Variants in FAM20A observed in about 807,000 individuals in gnomAD.
FAM20A encodes pseudokinase FAM20A.
In FAM20A, 42 loss-of-function variants were observed where a neutral mutation model predicts 52.0. That is an observed-to-expected ratio of 0.81 (90% CI 0.63 to 1.04). The LOEUF is 1.04. Among genes scored for constraint, FAM20A ranks in the 50% least tolerant of loss-of-function variants. FAM20A has a pLI of 0.00. For synonymous variants in FAM20A, 304 were observed against 298.9 expected (o/e 1.02, Z -0.18); for missense variants, 742 against 712.7 (o/e 1.04, Z -0.47).
chr17:68,555,000 T>C (rs1600579313), intron 2 of FAM20A, among the ~76,000 whole-genome samples, 173 bp from the exon 3 acceptor site: 1 of 152,180 alleles, frequency 6.6e-6, no homozygotes, highest in East Asian at 1.9e-4. Context: ...TGTAGCCTCC[T>C]TCCCTGCTGT....
rs1469508754 is a variant in FAM20A at position 68,535,918 on chromosome 17, G to GT, written c.*1558dup. On this transcript the variant is annotated 3_prime_UTR_variant, in exon 11 of 11. Transcript: ENST00000592554. ...GAATAGGTCTAAACCACTAAATTGT[G>GT]TGATTTTGCTTACTCTCTCTGAGAT... The GT allele has an allele frequency of 2.2e-6, 1 of 454,088 alleles. No homozygotes were observed. The highest frequency in any genetic ancestry group is 2.3e-5 in the Admixed American group (1 of 42,574). 28.1% of individuals were successfully genotyped at this position (454,088 alleles called of 1,614,324 possible).
chr17:68,574,893 C>A (rs2143818187), intron 1 of FAM20A, among the ~76,000 whole-genome samples: 1 of 152,208 alleles, frequency 6.6e-6, no homozygotes, highest in Non-Finnish European at 1.5e-5. Flanking sequence ...AGAGATGATC[C>A]TGGGTTATTT....
intron 6 of FAM20A, among the ~76,000 whole-genome samples, chr17:68,542,432 A>AATC (rs2086344035): frequency 6.6e-6 from 1 of 152,180 alleles, no homozygotes; most frequent in African/African-American, 2.4e-5. Flanking sequence ...CTGGGTGGAT[A>AATC]ACCTCTGGTT....
intron 4 of FAM20A, among the ~76,000 whole-genome samples, chr17:68,545,941 A>G (rs542487238): frequency 4.6e-5 from 7 of 152,042 alleles, no homozygotes; most frequent in South Asian, 2.1e-4. Context: ...AGGCTGAGGC[A>G]GGTGGATCAC....
At chr17:68,579,007 CTG>C (rs754228906) in intron 1 of FAM20A, among the ~76,000 whole-genome samples, 26 of 140,392 alleles carry the variant, frequency 1.9e-4, no homozygotes, top group Non-Finnish European at 3.5e-4. Context: ...GAGCGAGACT[CTG>C]TTTCAAAAAA....
At position 68,540,955 on chromosome 17, in the gene FAM20A, C is replaced by T. The variant is rs1402339576; in HGVS notation, c.1113G>A (p.Trp371Ter). Residue 371 changes from tryptophan to a stop codon, truncating the protein, a stop_gained, in exon 8 of 11, where the codon TGG (tryptophan) becomes TGA (stop). Transcript: ENST00000592554. LOFTEE classifies it high-confidence loss of function. ...TGTCACAGTAAAGGGGATTGACCTC[C>T]CACCTGAGGGGGAGAAGAAGTCCTG... ...RSYTLAGKEE[W>*]EVNPLYCDTV... is the part of the protein sequence containing the mutation. The T allele has an allele frequency of 6.3e-7, 1 of 1,585,290 alleles. No individual in the cohort carries two copies. Among genetic ancestry groups the T allele is most frequent in the Non-Finnish European group, 8.6e-7 (1 of 1,164,226 alleles).
intron 4 of FAM20A, among the ~76,000 whole-genome samples, chr17:68,549,094 T>C (rs2086713107): frequency 6.6e-6 from 1 of 152,224 alleles, no homozygotes; most frequent in Non-Finnish European, 1.5e-5. Flanking sequence ...TGTTAATTTA[T>C]TTTCCTGCAA....
chr17:68,544,744 A>G (rs1272024657), intron 4 of FAM20A, among the ~76,000 whole-genome samples: 1 of 152,212 alleles, frequency 6.6e-6, no homozygotes, highest in Non-Finnish European at 1.5e-5. Context: ...TGGCCAGCTT[A>G]TCATCATCAC....
At chr17:68,594,073 G>A (rs1274793832) in intron 1 of FAM20A, among the ~76,000 whole-genome samples, 1 of 152,122 alleles carries the variant, frequency 6.6e-6, no homozygotes, top group Non-Finnish European at 1.5e-5. Context: ...CTTTGGGCAG[G>A]TTATATAACT....
Position 68,572,001 on chromosome 17 carries a change from TATATATATATATATATATATATA to T in FAM20A, c.405-16281_405-16259del, listed in dbSNP as rs2087564020. On this transcript the variant is annotated intron_variant, in intron 1 of 10. Coordinates refer to ENST00000592554, the MANE Select transcript of FAM20A (RefSeq NM_017565.4). ...GTATATACATACATATATATATATATATATATATATATATATATATATATATATATATATATATATGTAGCAGG... is the reference window on the plus strand; with the variant it reads ...GTATATACATACATATATATATATATTATATATATATATATATGTAGCAGG... Among the ~76,000 whole-genome samples the T allele has an allele frequency of 1.3e-3, 111 of 88,620 alleles. 4 individuals carry two copies. Among genetic ancestry groups the T allele is most frequent in the Non-Finnish European group, 1.7e-4 (8 of 48,082 alleles). The allele number at this position is 88,620 out of a possible 152,430, so 58.1% of individuals were successfully genotyped here.
At position 68,537,549 on chromosome 17, in the gene FAM20A, CT is replaced by C; in HGVS notation, c.1553del (p.Gln518ArgfsTer5). The C allele has an allele frequency of 6.2e-7, 1 of 1,613,650 alleles. No homozygotes were observed. The highest frequency in any genetic ancestry group is 8.5e-7 in the Non-Finnish European group (1 of 1,179,734). On this transcript the variant is annotated frameshift_variant, in exon 11 of 11. Coordinates refer to ENST00000592554, the MANE Select transcript of FAM20A (RefSeq NM_017565.4). LOFTEE classifies it low-confidence loss of function (END_TRUNC). This position sits in a 1 kb window ranked among gnomAD's most constrained non-coding sequence, Gnocchi z 4.2. ...TVEGCIVAHGQQSVIVDGPVE... is the reference protein window; with the variant it reads ...TVEGCIVAHGXQSVIVDGPVE... ...CTGGGCCGTCGACTATGACACTCTG[CT>C]GTCCATGGGCCACTATGCACCCCTC...
intron 1 of FAM20A, among the ~76,000 whole-genome samples, chr17:68,581,414 CTTT>C (rs771494648): frequency 5.4e-4 from 60 of 111,170 alleles, no homozygotes; most frequent in Admixed American, 1.9e-3. Flanking sequence ...TTCTTTCTTT[CTTT>C]TTCTCTTTTC....
At chr17:68,565,615 A>G (rs1371868136) in intron 1 of FAM20A, among the ~76,000 whole-genome samples, 1 of 151,882 alleles carries the variant, frequency 6.6e-6, no homozygotes, top group Non-Finnish European at 1.5e-5. Flanking sequence ...GCTGGTTTTG[A>G]ACTCCTGACC....
intron 1 of FAM20A, among the ~76,000 whole-genome samples, chr17:68,579,137 G>A (rs544384337): frequency 1.3e-4 from 20 of 152,122 alleles, no homozygotes; most frequent in Non-Finnish European, 2.8e-4. Context: ...AGACTCCAAG[G>A]TTAGGAAAGG....
In FAM20A at chr17:68,536,097, G is replaced by A. The variant is rs2086089284; in HGVS notation, c.*1380C>T. 2 of 454,092 alleles carry A rather than the reference G, an allele frequency of 4.4e-6. No individual in the cohort carries two copies. The highest frequency in any genetic ancestry group is 8.8e-6 in the Non-Finnish European group (2 of 226,792). 28.1% of individuals were successfully genotyped at this position (454,092 alleles called of 1,614,324 possible). A position where few individuals can be genotyped will look rare whatever the true frequency, so the allele number is the denominator to read the frequency against. On this transcript the variant is annotated 3_prime_UTR_variant, in exon 11 of 11. Coordinates refer to ENST00000592554, the MANE Select transcript of FAM20A (RefSeq NM_017565.4). ...TTTTAGAGAGACACAAAGTCCAGGG[G>A]CAGCATACCAGTCATGTGGGGGTAC...
chr17:68,563,960 C>A (rs2087298650), intron 1 of FAM20A, among the ~76,000 whole-genome samples: 1 of 152,158 alleles, frequency 6.6e-6, no homozygotes, highest in Admixed American at 6.5e-5. Flanking sequence ...TAGTTCGACC[C>A]CTGCTGTAAT....
intron 1 of FAM20A, among the ~76,000 whole-genome samples, chr17:68,594,931 A>T (rs1271863672): frequency 6.6e-6 from 1 of 152,248 alleles, no homozygotes; most frequent in Admixed American, 6.5e-5. Context: ...TTACATCTGT[A>T]AAATCCCTTT....
intron 6 of FAM20A, 68 bp downstream of exon 6, chr17:68,542,626 A>G (rs2086354480): frequency 8.3e-7 from 1 of 1,203,980 alleles, no homozygotes; most frequent in Non-Finnish European, 1.2e-6. Context: ...CCACTGATGA[A>G]TGGAGGGGTG....
At chr17:68,555,092 C>T (rs2087015759) in intron 2 of FAM20A, among the ~76,000 whole-genome samples, 1 of 152,208 alleles carries the variant, frequency 6.6e-6, no homozygotes, top group Admixed American at 6.5e-5. Flanking sequence ...TTTGTCTCTG[C>T]TAATAATTTG....
Sources: allele counts gnomAD v4.1 joint callset (sites outside exome capture counted in the v4.1 genomes callset), GRCh38; gene constraint gnomAD v4.1.1; non-coding constraint Gnocchi (gnomAD v3.1); transcripts MANE v1.5; gene names NCBI Gene and HGNC (gene_info 2026-07-23, HGNC 2026-07-21).